DOCK2: variants seen among roughly 807,000 people sequenced by gnomAD.
DOCK2 encodes dedicator of cytokinesis protein 2.
DOCK2 carries 87 observed loss-of-function variants against 248.9 expected under a neutral mutation model. That is an observed-to-expected ratio of 0.35 (90% CI 0.29 to 0.42). The LOEUF (loss-of-function observed/expected upper bound fraction) is 0.42. Among genes scored for constraint, DOCK2 ranks in the 10% least tolerant of loss-of-function variants. The pLI, the probability that DOCK2 is intolerant of heterozygous loss-of-function variation, is 1.00. For synonymous variants in DOCK2, 805 were observed against 821.6 expected (o/e 0.98, Z 0.35); for missense variants, 1,747 against 2,300.2 (o/e 0.76, Z 4.92).
rs148711075 is a variant in DOCK2, at chr5:169,932,351, C to T, written c.2800-50717C>T. ...GGTAGGAAGTGGTTGGAACTATACCCGCTGCAGAGTAGTTGAGGAAGAAAA... is the reference window on the plus strand; with the variant it reads ...GGTAGGAAGTGGTTGGAACTATACCTGCTGCAGAGTAGTTGAGGAAGAAAA... On this transcript the variant is annotated intron_variant, in intron 27 of 51. Coordinates refer to ENST00000520908, the MANE Select transcript of DOCK2 (RefSeq NM_004946.3). 2.3e-3 allele frequency among the ~76,000 whole-genome samples: 343 copies of T among 152,158 alleles called. 2 individuals carry two copies. Among genetic ancestry groups the T allele is most frequent in the African/African-American group, 7.8e-3 (325 of 41,488 alleles).
At chr5:169,698,318 TC>T (rs1760754265) in intron 10 of DOCK2, 55 bp from the exon 11 acceptor site, 1 of 1,566,230 alleles carries the variant, frequency 6.4e-7, no homozygotes, top group Non-Finnish European at 8.8e-7. Context: ...CCCACTGTCA[TC>T]CCTTATGGGA....
Position 170,083,292 on chromosome 5 carries a change from A to G in DOCK2, c.*434A>G, listed in dbSNP as rs1353543489. On this transcript the variant is annotated 3_prime_UTR_variant, in exon 52 of 52. Coordinates refer to ENST00000520908, the MANE Select transcript of DOCK2 (RefSeq NM_004946.3). The stretch of plus-strand genomic sequence containing the variant: ...ACAGTTTTGTACTTTACATTTTTTT[A>G]TACAACCAACCAGTTTCTTTTCTAG... 6.5e-6 allele frequency: 1 copy of G among 154,916 alleles called. No homozygotes were observed. Among genetic ancestry groups the G allele is most frequent in the Non-Finnish European group, 1.4e-5 (1 of 69,808 alleles). The allele number at this position is 154,916 out of a possible 1,614,324, so 9.6% of individuals were successfully genotyped here.
At chr5:169,777,444 A>C (rs557524355) in intron 25 of DOCK2, among the ~76,000 whole-genome samples, 1 of 152,306 alleles carries the variant, frequency 6.6e-6, no homozygotes, top group East Asian at 1.9e-4. Flanking sequence ...TCCAGGCTGG[A>C]GAGACTGCCC....
chr5:169,860,613 T>A (rs913176384), intron 27 of DOCK2, among the ~76,000 whole-genome samples: 1 of 152,216 alleles, frequency 6.6e-6, no homozygotes, highest in Non-Finnish European at 1.5e-5. Flanking sequence ...TAAATTGATG[T>A]TTCCCAAAGT....
At chr5:170,013,711 A>G (rs936447199) in intron 32 of DOCK2, among the ~76,000 whole-genome samples, 8 of 152,138 alleles carry the variant, frequency 5.3e-5, no homozygotes, top group Non-Finnish European at 1.2e-4. Flanking sequence ...GATCTCCAGA[A>G]GTATTACACT....
At chr5:170,004,242 A>G (rs969597467) in intron 30 of DOCK2, among the ~76,000 whole-genome samples, 4 of 152,220 alleles carry the variant, frequency 2.6e-5, no homozygotes, top group African/African-American at 9.6e-5. Context: ...TTCAATGATA[A>G]AAAAATGAAG....
At chr5:169,658,590 A>G (rs1219486269) in intron 2 of DOCK2, among the ~76,000 whole-genome samples, 1 of 151,620 alleles carries the variant, frequency 6.6e-6, no homozygotes, top group African/African-American at 2.4e-5. Context: ...CTGTCATTCT[A>G]TGTATATAAA....
chr5:169,708,406 T>A, intron 15 of DOCK2, 139 bp downstream of exon 15: 2 of 895,646 alleles, frequency 2.2e-6, no homozygotes, highest in Non-Finnish European at 3.4e-6. Context: ...CTTCATTTTA[T>A]AGTTGAGGAA....
chr5:169,803,318 A>G (rs1767115533), intron 26 of DOCK2, 112 bp downstream of exon 26: 29 of 1,419,686 alleles, frequency 2.0e-5, no homozygotes, highest in East Asian at 4.8e-5. Flanking sequence ...ATAAAAGTCA[A>G]CGGCTTGCTC....
chr5:169,731,152 G>A (rs927088838), intron 22 of DOCK2, among the ~76,000 whole-genome samples: 1 of 152,176 alleles, frequency 6.6e-6, no homozygotes, highest in Non-Finnish European at 1.5e-5. Flanking sequence ...ACAGGTGTGA[G>A]CCACCACACC....
chr5:170,012,961 G>A (rs1755359885), intron 32 of DOCK2, among the ~76,000 whole-genome samples: 1 of 152,096 alleles, frequency 6.6e-6, no homozygotes, highest in Non-Finnish European at 1.5e-5. Context: ...TCTACAGAGT[G>A]CTCAGCTTGG....
rs956537916 is a variant in DOCK2 at position 169,763,924 on chromosome 5, C to T, written c.2554+2299C>T. Among the ~76,000 whole-genome samples, 4 of 152,212 alleles carry T rather than the reference C, an allele frequency of 2.6e-5. No homozygotes were observed. Among genetic ancestry groups the T allele is most frequent in the Admixed American group, 2.6e-4 (4 of 15,286 alleles). ...TAACTCCTCTCCCACCATCTATTTG[C>T]TAAGTGAGCCCTGTTACCAAAATAG... is the stretch of plus-strand genomic sequence containing the variant. On this transcript the variant is annotated intron_variant, in intron 25 of 51. Transcript: ENST00000520908. This position sits in a 1 kb window ranked among gnomAD's most constrained non-coding sequence, Gnocchi z 4.1.
intron 30 of DOCK2, among the ~76,000 whole-genome samples, chr5:170,003,093 T>G (rs773147600): frequency 7.2e-5 from 11 of 152,194 alleles, no homozygotes; most frequent in Non-Finnish European, 1.2e-4. Flanking sequence ...GAGCTTACAA[T>G]TGGAGAAGAC....
Position 169,678,044 on chromosome 5 carries a change from G to A in DOCK2, c.470+3599G>A, listed in dbSNP as rs73798821. On this transcript the variant is annotated intron_variant, in intron 6 of 51. Transcript: ENST00000520908. The stretch of plus-strand genomic sequence containing the variant: ...CATCTTGAGGCAGTCTTTAAGTGGG[G>A]GAGAATTCTGTAGCTGCGCTCTCAT... Among the ~76,000 whole-genome samples the A allele has an allele frequency of 3.7e-3, 559 of 152,254 alleles. 2 individuals are homozygous for A. The highest frequency in any genetic ancestry group is 0.012 in the African/African-American group (496 of 41,552).
At chr5:169,935,454 C>T (rs1489344205) in intron 27 of DOCK2, among the ~76,000 whole-genome samples, 1 of 152,166 alleles carries the variant, frequency 6.6e-6, no homozygotes, top group East Asian at 1.9e-4. Context: ...GAACTGTCAA[C>T]TTAATGGTGG....
chr5:169,958,760 CA>C (rs1359651184), intron 27 of DOCK2, among the ~76,000 whole-genome samples: 1 of 152,126 alleles, frequency 6.6e-6, no homozygotes, highest in Non-Finnish European at 1.5e-5. Flanking sequence ...GGCATTCAGG[CA>C]GGAGGGGCTG....
intron 27 of DOCK2, among the ~76,000 whole-genome samples, chr5:169,943,993 A>G (rs926976522): frequency 3.3e-5 from 5 of 152,242 alleles, no homozygotes; most frequent in African/African-American, 1.2e-4. Flanking sequence ...GGCTAATAGC[A>G]TGGTGTGACT....
rs758988078 is a variant in DOCK2 at position 169,803,061 on chromosome 5, G to T, written c.2558G>T (p.Cys853Phe). Reference sequence around the variant, plus strand: ...CTCTGAACTGTCTTTATTCCAGAATGCCGGGACATTCTGCTTCCTGTCATC... The same window carrying T: ...CTCTGAACTGTCTTTATTCCAGAATTCCGGGACATTCTGCTTCCTGTCATC... The part of the protein sequence containing the change: ...VQSNLFKKQE[C>F]RDILLPVITK... Residue 853 changes from cysteine (C) to phenylalanine (F), a missense_variant, in exon 26 of 52, where the codon TGC becomes TTC. Physicochemically the swap from Cys to Phe is radical, Grantham distance 205. This residue lies in a region of DOCK2 where 858 missense variants were observed against 1,183.5 expected (regional missense o/e 0.72). Transcript: ENST00000520908. The T allele has an allele frequency of 3.1e-6, 5 of 1,613,992 alleles. No individual in the cohort carries two copies. In the African/African-American group the frequency reaches 4.0e-5, roughly 13 times the overall value.
In DOCK2 at chr5:169,681,780, C is replaced by T. The variant is rs202075394; in HGVS notation, c.507C>T (p.Asp169=). The change falls in exon 7 of 52, where the codon GAC becomes GAT. Residue 169 remains aspartate, a synonymous_variant. Coordinates refer to ENST00000520908, the MANE Select transcript of DOCK2 (RefSeq NM_004946.3). Reference sequence around the variant, plus strand: ...TTGATTTGATTGTCAGAGATGAAGACGGAAATATCTTGGACCCTGATAATA... The same window carrying T: ...TTGATTTGATTGTCAGAGATGAAGATGGAAATATCTTGGACCCTGATAATA... The part of the protein sequence containing the change: ...LELDLIVRDE[D]GNILDPDNTS... 49 of 1,613,386 alleles carry T rather than the reference C, an allele frequency of 3.0e-5. No individual in the cohort carries two copies. The highest frequency in any genetic ancestry group is 8.9e-5 in the East Asian group (4 of 44,868).
Sources: allele counts gnomAD v4.1 joint callset (sites outside exome capture counted in the v4.1 genomes callset), GRCh38; gene constraint gnomAD v4.1.1; regional missense constraint gnomAD v4.1.1; non-coding constraint Gnocchi (gnomAD v3.1); transcripts MANE v1.5; gene names NCBI Gene and HGNC (gene_info 2026-07-23, HGNC 2026-07-21).